USP17L4: variants seen among roughly 807,000 people sequenced by gnomAD.
USP17L4 encodes the protein inactive ubiquitin carboxyl-terminal hydrolase 17-like protein 4.
In USP17L4, 16 loss-of-function variants were observed where a neutral mutation model predicts 20.2. The observed-to-expected ratio is 0.79, with a 90% confidence interval of 0.54 to 1.20. The LOEUF is 1.20. Ranked by LOEUF, USP17L4 falls within the 50% of genes most tolerant of loss-of-function variation. The pLI, the probability that USP17L4 is intolerant of heterozygous loss-of-function variation, is 0.00. For missense variants in USP17L4, 211 were observed against 316.9 expected, an observed-to-expected ratio of 0.67 and a Z score of 2.54; for synonymous variants, 92 against 122.5, an observed-to-expected ratio of 0.75 and a Z score of 1.65.
At position 7,337,334 on chromosome 8, in the gene USP17L4, A is replaced by G. The variant is rs1025644571; in HGVS notation, c.220A>G (p.Arg74Gly). Reference sequence around the variant, plus strand: ...GGAGAAGCTTCCTCTGAGTAGCAGGAGACCTGCTGCGGTGGGGGCTGGGCT... The same window carrying G: ...GGAGAAGCTTCCTCTGAGTAGCAGGGGACCTGCTGCGGTGGGGGCTGGGCT... ...PREKLPLSSRRPAAVGAGLQN... is the reference protein window; with the variant it reads ...PREKLPLSSRGPAAVGAGLQN... Residue 74 changes from arginine to glycine, a missense_variant, in exon 1 of 1, where the codon AGA becomes GGA. Transcript: ENST00000526929. 2 of 460,968 alleles carry G rather than the reference A, an allele frequency of 4.3e-6. No individual in the cohort carries two copies. The highest frequency in any genetic ancestry group is 2.2e-5 in the South Asian group (1 of 46,428). 28.6% of individuals were successfully genotyped at this position (460,968 alleles called of 1,614,324 possible).
rs1273554783 is a variant in USP17L4 at position 7,337,351 on chromosome 8, G to A, written c.237G>A (p.Gly79=). ...PLSSRRPAAV[G]AGLQNMGNTC... The stretch of plus-strand genomic sequence containing the variant: ...GTAGCAGGAGACCTGCTGCGGTGGG[G>A]GCTGGGCTCCAGAATATGGGAAATA... The change falls in exon 1 of 1, where the codon GGG becomes GGA. Residue 79 remains glycine (G), a synonymous_variant. Transcript: ENST00000526929. 1.1e-5 allele frequency: 5 copies of A among 454,574 alleles called. No homozygotes were observed. The highest frequency in any genetic ancestry group is 5.0e-5 in the Admixed American group (1 of 20,132). The allele number at this position is 454,574 out of a possible 1,614,324, so 28.2% of individuals were successfully genotyped here. A position where few individuals can be genotyped will look rare whatever the true frequency, so the allele number is the denominator to read the frequency against.
Position 7,338,101 on chromosome 8 carries a change from T to C in USP17L4, c.987T>C (p.Ser329=), listed in dbSNP as rs1440771642. The C allele has an allele frequency of 1.3e-6, 2 of 1,567,880 alleles. No individual in the cohort carries two copies. The highest frequency in any genetic ancestry group is 1.1e-5 in the South Asian group (1 of 89,446). ...LYAVLVHAGW[S]CHDGYYFSYV... Reference sequence around the variant, plus strand: ...CTGTGCTGGTCCACGCTGGGTGGAGTTGTCACGACGGATATTACTTCTCTT... The same window carrying C: ...CTGTGCTGGTCCACGCTGGGTGGAGCTGTCACGACGGATATTACTTCTCTT... Residue 329 remains serine, a synonymous_variant, in exon 1 of 1, where the codon AGT becomes AGC. Coordinates refer to ENST00000526929, the MANE Select transcript of USP17L4 (RefSeq NM_001256874.1).
rs200849774 is a variant in USP17L4, at chr8:7,338,382, A to G, written c.1268A>G (p.His423Arg). 4.9e-4 allele frequency: 393 copies of G among 798,474 alleles called. 19 individuals are homozygous for G. The highest frequency in any genetic ancestry group is 1.5e-3 in the South Asian group (99 of 67,496). The allele number at this position is 798,474 out of a possible 1,614,324, so 49.5% of individuals were successfully genotyped here. Residue 423 changes from histidine (H) to arginine (R), a missense_variant, in exon 1 of 1, where the codon CAC becomes CGC. Transcript: ENST00000526929. ...CTCCAGGTACCCGAGTTGGACGAGCACTTGGTGGAAAGAGCCACTGAGGAA... is the reference window on the plus strand; with the variant it reads ...CTCCAGGTACCCGAGTTGGACGAGCGCTTGGTGGAAAGAGCCACTGAGGAA... The part of the protein sequence containing the change: ...PCLQVPELDE[H>R]LVERATEEST...
rs1325773927 is a variant in USP17L4 at position 7,337,147 on chromosome 8, G to C, written c.33G>C (p.Glu11Asp). 4 of 594,678 alleles carry C rather than the reference G, an allele frequency of 6.7e-6. No individual in the cohort carries two copies. The East Asian group carries it at 1.1e-4, about 17-fold the overall frequency. The allele number at this position is 594,678 out of a possible 1,614,324, so 36.8% of individuals were successfully genotyped here. MGDDSLYLGG[E>D]WQFNHFSKLT... ...ACGACTCACTCTACTTGGGAGGTGA[G>C]TGGCAGTTCAACCACTTTTCAAAAC... The change falls in exon 1 of 1, where the codon GAG becomes GAC. Residue 11 changes from glutamate to aspartate, a missense_variant. Transcript: ENST00000526929.
Position 7,338,291 on chromosome 8 carries a change from G to T in USP17L4, c.1177G>T (p.Ala393Ser). The change falls in exon 1 of 1, where the codon GCC (alanine) becomes TCC (serine). Residue 393 changes from alanine (A) to serine (S), a missense_variant. Coordinates refer to ENST00000526929, the MANE Select transcript of USP17L4 (RefSeq NM_001256874.1). ...TGTGTCAAGAGGCAGGGAACCAAGA[G>T]CCCTTGGCGCTGAAGACACAGACAG... ...ESVSRGREPR[A>S]LGAEDTDRPA... 2.3e-6 allele frequency: 3 copies of T among 1,313,804 alleles called. No homozygotes were observed. Among genetic ancestry groups the T allele is most frequent in the South Asian group, 1.2e-5 (1 of 82,026 alleles). 81.4% of individuals were successfully genotyped at this position (1,313,804 alleles called of 1,614,324 possible).
chr8:7,338,633 T>G lies in USP17L4; in HGVS notation c.1519T>G (p.Ser507Ala). The change falls in exon 1 of 1, where the codon TCT (serine) becomes GCT (alanine). Residue 507 changes from serine (S) to alanine (A), a missense_variant. This residue lies in a region of USP17L4 where 140 missense variants were observed against 167.6 expected (regional missense o/e 0.84). Coordinates refer to ENST00000526929, the MANE Select transcript of USP17L4 (RefSeq NM_001256874.1). ...GTCCATGAACACTGGCACACTCGCT[T>G]CTCTGCAAGGGAGGACCAGGAGATC... ...QESMNTGTLASLQGRTRRSKG... is the reference protein window; with the variant it reads ...QESMNTGTLAALQGRTRRSKG... The G allele has an allele frequency of 1.8e-6, 1 of 566,844 alleles. No individual in the cohort carries two copies. The highest frequency in any genetic ancestry group is 1.9e-5 in the South Asian group (1 of 51,550). 35.1% of individuals were successfully genotyped at this position (566,844 alleles called of 1,614,324 possible).
rs1401353887 is a variant in USP17L4, at chr8:7,338,150, T to A, written c.1036T>A (p.Trp346Arg). 1.3e-6 allele frequency: 2 copies of A among 1,552,156 alleles called. No individual in the cohort carries two copies. The highest frequency in any genetic ancestry group is 2.3e-5 in the East Asian group (1 of 44,238). ...FSYVKAQEGQWYKMDDAEVTV... is the reference protein window; with the variant it reads ...FSYVKAQEGQRYKMDDAEVTV... ...TTATGTCAAAGCTCAAGAAGGCCAG[T>A]GGTATAAAATGGATGATGCCGAGGT... Residue 346 changes from tryptophan to arginine, a missense_variant, in exon 1 of 1, where the codon TGG (tryptophan) becomes AGG (arginine). Physicochemically the swap from Trp to Arg is moderately radical, Grantham distance 101. Around this residue, in one of 5 missense-constraint regions of USP17L4, gnomAD observed 140 missense variants for 167.6 expected, o/e 0.84. Coordinates refer to ENST00000526929, the MANE Select transcript of USP17L4 (RefSeq NM_001256874.1).
chr8:7,337,446 G>C lies in USP17L4; in HGVS notation c.332G>C (p.Arg111Pro). 2.3e-6 allele frequency: 1 copy of C among 429,442 alleles called. No homozygotes were observed. The highest frequency in any genetic ancestry group is 3.8e-6 in the Non-Finnish European group (1 of 261,018). The allele number at this position is 429,442 out of a possible 1,614,324, so 26.6% of individuals were successfully genotyped here. Residue 111 changes from arginine to proline, a missense_variant, in exon 1 of 1, where the codon CGG (arginine) becomes CCG (proline). Arg to Pro is a moderately radical substitution (Grantham distance 103). Transcript: ENST00000526929. ...TLPLANYMLSREHSQTCQRPK... is the reference protein window; with the variant it reads ...TLPLANYMLSPEHSQTCQRPK... ...CCCCTTGCCAACTACATGCTGTCCC[G>C]GGAGCACTCTCAAACATGTCAGCGT...
At position 7,337,983 on chromosome 8, in the gene USP17L4, A is replaced by T. The variant is rs1258447581; in HGVS notation, c.869A>T (p.Lys290Ile). 3.5e-6 allele frequency: 3 copies of T among 859,252 alleles called. No homozygotes were observed. In the East Asian group the frequency reaches 7.6e-5, roughly 22 times the overall value. 53.2% of individuals were successfully genotyped at this position (859,252 alleles called of 1,614,324 possible). Residue 290 changes from lysine to isoleucine, a missense_variant, in exon 1 of 1, where the codon AAA becomes ATA. By Grantham distance (102) the Lys-to-Ile change is moderately radical. This residue lies in a region of USP17L4 where 10 missense variants were observed against 37.5 expected (regional missense o/e 0.27). Transcript: ENST00000526929. Reference sequence around the variant, plus strand: ...AGATTCTCCGATGTCGCAGGCAACAAACTTGCCAAGAATGTGCAATATCCT... The same window carrying T: ...AGATTCTCCGATGTCGCAGGCAACATACTTGCCAAGAATGTGCAATATCCT... ...LKRFSDVAGN[K>I]LAKNVQYPEC...
At position 7,338,094 on chromosome 8, in the gene USP17L4, G is replaced by A. The variant is rs1199567422; in HGVS notation, c.980G>A (p.Gly327Glu). The stretch of plus-strand genomic sequence containing the variant: ...CTCTATGCTGTGCTGGTCCACGCTG[G>A]GTGGAGTTGTCACGACGGATATTAC... ...YVLYAVLVHA[G>E]WSCHDGYYFS... Residue 327 changes from glycine (G) to glutamate (E), a missense_variant, in exon 1 of 1, where the codon GGG (glycine) becomes GAG (glutamate). Gly to Glu is a moderately conservative substitution (Grantham distance 98, BLOSUM62 -2). Transcript: ENST00000526929. 2 of 1,565,508 alleles carry A rather than the reference G, an allele frequency of 1.3e-6. No homozygotes were observed. Among genetic ancestry groups the A allele is most frequent in the South Asian group, 1.1e-5 (1 of 89,354 alleles).
Position 7,338,612 on chromosome 8 carries a change from A to G in USP17L4, c.1498A>G (p.Met500Val). 5.3e-6 allele frequency: 3 copies of G among 564,476 alleles called. No homozygotes were observed. The allele number at this position is 564,476 out of a possible 1,614,324, so 35.0% of individuals were successfully genotyped here. The change falls in exon 1 of 1, where the codon ATG becomes GTG. Residue 500 changes from methionine (M) to valine (V), a missense_variant. Physicochemically the swap from Met to Val is conservative, Grantham distance 21. Transcript: ENST00000526929. ...SSMNSTDQES[M>V]NTGTLASLQG... ...GATGAACTCGACAGATCAGGAGTCC[A>G]TGAACACTGGCACACTCGCTTCTCT...
In USP17L4 at chr8:7,337,285, T is replaced by C. The variant is rs2128816607; in HGVS notation, c.171T>C (p.Pro57=). The change falls in exon 1 of 1, where the codon CCT becomes CCC. Residue 57 remains proline (P), a synonymous_variant. Coordinates refer to ENST00000526929, the MANE Select transcript of USP17L4 (RefSeq NM_001256874.1). ...TRVDLCDDLA[P]VARQLAPREK... is the part of the protein sequence containing the mutation. ...TCGACCTCTGTGATGATTTGGCTCC[T>C]GTGGCAAGACAGCTCGCTCCCAGGG... The C allele has an allele frequency of 2.1e-6, 1 of 479,058 alleles. No homozygotes were observed. The highest frequency in any genetic ancestry group is 3.5e-6 in the Non-Finnish European group (1 of 287,508). 29.7% of individuals were successfully genotyped at this position (479,058 alleles called of 1,614,324 possible).
chr8:7,337,174 C>G lies in USP17L4; in HGVS notation c.60C>G (p.Leu20=), dbSNP rs755125135. 3.5e-6 allele frequency: 2 copies of G among 565,798 alleles called. No individual in the cohort carries two copies. Among genetic ancestry groups the G allele is most frequent in the Non-Finnish European group, 5.9e-6 (2 of 337,222 alleles). 35.0% of individuals were successfully genotyped at this position (565,798 alleles called of 1,614,324 possible). A position where few individuals can be genotyped will look rare whatever the true frequency, so the allele number is the denominator to read the frequency against. ...GGCAGTTCAACCACTTTTCAAAACT[C>G]ACATCTTCTCGGCCAGATGCAGCTT... ...GEWQFNHFSK[L]TSSRPDAAFA... Residue 20 remains leucine (L), a synonymous_variant, in exon 1 of 1, where the codon CTC becomes CTG. Transcript: ENST00000526929.
In USP17L4 at chr8:7,338,499, A is replaced by T; in HGVS notation, c.1385A>T (p.Asn462Ile). The change falls in exon 1 of 1, where the codon AAC (asparagine) becomes ATC (isoleucine). Residue 462 changes from asparagine (N) to isoleucine (I), a missense_variant. Asn to Ile is a moderately radical substitution (Grantham distance 149). This residue lies in a region of USP17L4 where 140 missense variants were observed against 167.6 expected (regional missense o/e 0.84). Coordinates refer to ENST00000526929, the MANE Select transcript of USP17L4 (RefSeq NM_001256874.1). ...AAAGTTGAAGGTACCCTGCCTCCCA[A>T]CGTACTTGTGATTCATCAATCAAAA... is the stretch of plus-strand genomic sequence containing the variant. ...VRKVEGTLPPNVLVIHQSKYK... is the reference protein window; with the variant it reads ...VRKVEGTLPPIVLVIHQSKYK... The T allele has an allele frequency of 1.8e-6, 1 of 548,068 alleles. No individual in the cohort carries two copies. Among genetic ancestry groups the T allele is most frequent in the South Asian group, 2.1e-5 (1 of 48,520 alleles). The allele number at this position is 548,068 out of a possible 1,614,324, so 34.0% of individuals were successfully genotyped here.
the USP17L4 span, chr8:7,338,207 C>T: frequency 4.1e-6 from 6 of 1,472,346 alleles, no homozygotes; most frequent in Non-Finnish European, 5.5e-6. Context: ...TGTCCTGAGT[C>T]AACAGGCCTA....
chr8:7,338,201 C>G lies in USP17L4; in HGVS notation c.1087C>G (p.Leu363Val). The change falls in exon 1 of 1, where the codon CTG becomes GTG. Residue 363 changes from leucine (L) to valine (V), a missense_variant. Leu to Val is a conservative substitution (Grantham distance 32). Coordinates refer to ENST00000526929, the MANE Select transcript of USP17L4 (RefSeq NM_001256874.1). ...EVTVCSITSV[L>V]SQQAYVLFYI... ...CACTGTCTGTAGCATCACTTCTGTC[C>G]TGAGTCAACAGGCCTATGTCCTCTT... is the stretch of plus-strand genomic sequence containing the variant. 2.7e-6 allele frequency: 4 copies of G among 1,485,580 alleles called. No individual in the cohort carries two copies. Among genetic ancestry groups the G allele is most frequent in the Non-Finnish European group, 9.1e-7 (1 of 1,098,624 alleles). 92.0% of individuals were successfully genotyped at this position (1,485,580 alleles called of 1,614,324 possible). A position where few individuals can be genotyped will look rare whatever the true frequency, so the allele number is the denominator to read the frequency against.
rs1196379545 is a variant in USP17L4, at chr8:7,338,173, G to C, written c.1059G>C (p.Glu353Asp). 1 of 1,522,082 alleles carries C rather than the reference G, an allele frequency of 6.6e-7. No homozygotes were observed. Among genetic ancestry groups the C allele is most frequent in the South Asian group, 1.1e-5 (1 of 88,078 alleles). 94.3% of individuals were successfully genotyped at this position (1,522,082 alleles called of 1,614,324 possible). Reference sequence around the variant, plus strand: ...AGTGGTATAAAATGGATGATGCCGAGGTCACTGTCTGTAGCATCACTTCTG... The same window carrying C: ...AGTGGTATAAAATGGATGATGCCGACGTCACTGTCTGTAGCATCACTTCTG... ...EGQWYKMDDA[E>D]VTVCSITSVL... The change falls in exon 1 of 1, where the codon GAG becomes GAC. Residue 353 changes from glutamate to aspartate, a missense_variant. Coordinates refer to ENST00000526929, the MANE Select transcript of USP17L4 (RefSeq NM_001256874.1).
Position 7,338,286 on chromosome 8 carries a change from C to T in USP17L4, c.1172C>T (p.Pro391Leu). Residue 391 changes from proline (P) to leucine (L), a missense_variant, in exon 1 of 1, where the codon CCA becomes CTA. Pro to Leu is a moderately conservative substitution (Grantham distance 98). Around this residue, in one of 5 missense-constraint regions of USP17L4, gnomAD observed 140 missense variants for 167.6 expected, o/e 0.84. Transcript: ENST00000526929. ...HSESVSRGRE[P>L]RALGAEDTDR... Reference sequence around the variant, plus strand: ...GAGAGTGTGTCAAGAGGCAGGGAACCAAGAGCCCTTGGCGCTGAAGACACA... The same window carrying T: ...GAGAGTGTGTCAAGAGGCAGGGAACTAAGAGCCCTTGGCGCTGAAGACACA... The T allele has an allele frequency of 7.8e-7, 1 of 1,286,646 alleles. No homozygotes were observed. Among genetic ancestry groups the T allele is most frequent in the Non-Finnish European group, 1.1e-6 (1 of 932,156 alleles). The allele number at this position is 1,286,646 out of a possible 1,614,324, so 79.7% of individuals were successfully genotyped here. A position where few individuals can be genotyped will look rare whatever the true frequency, so the allele number is the denominator to read the frequency against.
rs200631940 is a variant in USP17L4, at chr8:7,338,085, T to A, written c.971T>A (p.Val324Asp). 0.01 allele frequency: 15,860 copies of A among 1,560,322 alleles called. 941 individuals are homozygous for A. The highest frequency in any genetic ancestry group is 0.023 in the Middle Eastern group (106 of 4,566). The change falls in exon 1 of 1, where the codon GTC (valine) becomes GAC (aspartate). Residue 324 changes from valine (V) to aspartate (D), a missense_variant. Val to Asp is a radical substitution (Grantham distance 152). Transcript: ENST00000526929. The stretch of plus-strand genomic sequence containing the variant: ...GTCTATGTCCTCTATGCTGTGCTGG[T>A]CCACGCTGGGTGGAGTTGTCACGAC... Reference protein sequence around the residue: ...PLVYVLYAVLVHAGWSCHDGY... With the variant: ...PLVYVLYAVLDHAGWSCHDGY...
Sources: gnomAD v4.1 joint callset for allele counts on GRCh38, gnomAD v4.1.1 for gene constraint, gnomAD v4.1.1 regional missense constraint, MANE v1.5 for transcripts, NCBI Gene and HGNC (gene_info 2026-07-23, HGNC 2026-07-21) for gene names.